The following THBS3 variants were observed in gnomAD, a reference collection of about 807,000 sequenced individuals.
The protein encoded by THBS3 is thrombospondin-3.
Under a neutral mutation model 118.3 loss-of-function variants are expected in THBS3, and 78 were observed. The observed-to-expected ratio is 0.66, with a 90% CI of 0.55 to 0.80. The LOEUF (loss-of-function observed/expected upper bound fraction) is 0.80, where lower values mean the gene tolerates loss of function less well. Ranked by LOEUF, THBS3 falls within the 30% of genes least tolerant of loss-of-function variation. The pLI is 0.00. For missense variants in THBS3, 1,057 were observed against 1,247.4 expected (o/e 0.85, Z 2.30); for synonymous variants, 427 against 475.3 (o/e 0.90, Z 1.32).
Position 155,203,521 on chromosome 1 carries a change from G to T in THBS3, c.665C>A (p.Ser222Tyr). 6 of 1,613,822 alleles carry T rather than the reference G, an allele frequency of 3.7e-6. No homozygotes were observed. The highest frequency in any genetic ancestry group is 5.1e-6 in the Non-Finnish European group (6 of 1,179,988). ...CAGTGTGGCCTACTCACCTAGAATG[G>T]AGTGCAGTGCATTGGTCACTGGAGA... ...IHSAVTNALHSILGEQTKALV... is the reference protein window; with the variant it reads ...IHSAVTNALHYILGEQTKALV... The change falls in exon 5 of 23, where the codon TCC becomes TAC. Residue 222 changes from serine (S) to tyrosine (Y), a missense_variant. Ser to Tyr is a moderately radical substitution (Grantham distance 144). Transcript: ENST00000368378.
At position 155,205,313 on chromosome 1, in the gene THBS3, A is replaced by G; in HGVS notation, c.290T>C (p.Leu97Pro). ...ASVVGKINKV[L>P]VRYQREDGKV... Reference sequence around the variant, plus strand: ...GCCATCCTCCCGCTGGTATCGCACCAGTACTGCCCAGGAGGGGAGATCAGT... The same window carrying G: ...GCCATCCTCCCGCTGGTATCGCACCGGTACTGCCCAGGAGGGGAGATCAGT... The change falls in exon 3 of 23, where the codon CTG becomes CCG. Residue 97 changes from leucine to proline, a missense_variant. Leu to Pro is a moderately conservative substitution (Grantham distance 98). Around this residue, in one of 3 missense-constraint regions of THBS3, gnomAD observed 206 missense variants for 205.7 expected, o/e 1.00. Coordinates refer to ENST00000368378, the MANE Select transcript of THBS3 (RefSeq NM_007112.5). 3 of 1,613,544 alleles carry G rather than the reference A, an allele frequency of 1.9e-6. No individual in the cohort carries two copies. Among genetic ancestry groups the G allele is most frequent in the African/African-American group, 1.3e-5 (1 of 75,008 alleles).
Position 155,200,542 on chromosome 1 carries a change from A to G in THBS3, c.1617T>C (p.Cys539=), listed in dbSNP as rs1669538662. ...TGTTGGGAACGTTGGGGCAATTGTC[A>G]CAGGCATCACCAAATGAATCTGTAT... ...NSDTDSFGDA[C]DNCPNVPNND... Residue 539 remains cysteine, a synonymous_variant, in exon 14 of 23, where the codon TGT becomes TGC. Coordinates refer to ENST00000368378, the MANE Select transcript of THBS3 (RefSeq NM_007112.5). 3.1e-6 allele frequency: 5 copies of G among 1,614,110 alleles called. No individual in the cohort carries two copies. Among genetic ancestry groups the G allele is most frequent in the Middle Eastern group, 1.6e-4 (1 of 6,062 alleles).
intron 21 of THBS3, 88 bp from the exon 22 acceptor site, chr1:155,196,214 C>T (rs1275713833): frequency 1.0e-5 from 15 of 1,495,368 alleles, no homozygotes; most frequent in Non-Finnish European, 1.3e-5. Flanking sequence ...TGCTTTTCCC[C>T]AGCCCCCCTT....
chr1:155,196,883 C>A, intron 21 of THBS3, 158 bp downstream of exon 21: 1 of 686,938 alleles, frequency 1.5e-6, no homozygotes, highest in Non-Finnish European at 2.4e-6. Context: ...AGTGACTTCA[C>A]CAACATCACT....
Position 155,195,739 on chromosome 1 carries a change from G to T in THBS3, c.*102C>A. On this transcript the variant is annotated 3_prime_UTR_variant, in exon 23 of 23. Coordinates refer to ENST00000368378, the MANE Select transcript of THBS3 (RefSeq NM_007112.5). ...CCTTTTGGGAGCCAGAGAAGGGTCT[G>T]TGGTTGGCTGAGGGGCTGTAGCTTA... 7.7e-7 allele frequency: 1 copy of T among 1,290,746 alleles called. No individual in the cohort carries two copies. Among genetic ancestry groups the T allele is most frequent in the Non-Finnish European group, 1.1e-6 (1 of 911,564 alleles). 80.0% of individuals were successfully genotyped at this position (1,290,746 alleles called of 1,614,324 possible).
chr1:155,198,856 A>C, intron 16 of THBS3: 1 of 431,348 alleles, frequency 2.3e-6, no homozygotes, highest in East Asian at 3.9e-5. Context: ...ACAGTGGCTC[A>C]TGCCTGTATT....
rs1310974561 is a variant in THBS3 at position 155,202,361 on chromosome 1, A to G, written c.998T>C (p.Ile333Thr). 5 of 1,613,906 alleles carry G rather than the reference A, an allele frequency of 3.1e-6. No homozygotes were observed. The highest frequency in any genetic ancestry group is 1.7e-5 in the Admixed American group (1 of 59,992). ...ACAGTGGAAGCCGGGCATGGTGTTG[A>G]TGCAGCTGGAGCCCGGGAAACAGGG... ...ADPCFPGSSCINTMPGFHCEA... is the reference protein window; with the variant it reads ...ADPCFPGSSCTNTMPGFHCEA... Residue 333 changes from isoleucine (I) to threonine (T), a missense_variant, in exon 9 of 23, where the codon ATC becomes ACC. Physicochemically the swap from Ile to Thr is moderately conservative, Grantham distance 89. This residue lies in a region of THBS3 where 544 missense variants were observed against 715.6 expected (regional missense o/e 0.76). Transcript: ENST00000368378. The surrounding 1 kb of genome is among the most constrained non-coding windows in gnomAD (Gnocchi z 5.5).
At chr1:155,207,973 T>C, upstream of THBS3, 1 of 575,388 alleles carries the variant, frequency 1.7e-6, no homozygotes, top group Admixed American at 3.2e-5. Context: ...GGGACAGAAT[T>C]GGAGGGGGGG....
intron 11 of THBS3, 44 bp downstream of exon 11, chr1:155,201,372 TC>T (rs1453563937): frequency 6.4e-7 from 1 of 1,570,366 alleles, no homozygotes; most frequent in Non-Finnish European, 8.6e-7. Flanking sequence ...CCTACTCCTT[TC>T]CCCAGACCCT....
Position 155,195,833 on chromosome 1 carries a change from C to T in THBS3, c.*8G>A. The T allele has an allele frequency of 6.2e-7, 1 of 1,607,406 alleles. No individual in the cohort carries two copies. Among genetic ancestry groups the T allele is most frequent in the Non-Finnish European group, 8.5e-7 (1 of 1,174,694 alleles). On this transcript the variant is annotated 3_prime_UTR_variant, in exon 23 of 23. Coordinates refer to ENST00000368378, the MANE Select transcript of THBS3 (RefSeq NM_007112.5). ...AAATTCTGAATTCTGAATCTGGTGG[C>T]CTCCTCCTCACACCCTTCCCTGGAG...
chr1:155,205,575 C>T lies in THBS3; in HGVS notation c.287-259G>A, dbSNP rs186427296. The stretch of plus-strand genomic sequence containing the variant: ...GGCAGATCACTTGAGGTCAGAAGTT[C>T]GAGAACAGCCTGGTCAACATGGCGA... On this transcript the variant is annotated intron_variant, in intron 2 of 22. Transcript: ENST00000368378. 419 of 460,552 alleles carry T rather than the reference C, an allele frequency of 9.1e-4. 7 individuals are homozygous for T. Among genetic ancestry groups the T allele is most frequent in the Non-Finnish European group, 1.0e-4 (26 of 257,598 alleles). The allele number at this position is 460,552 out of a possible 1,614,324, so 28.5% of individuals were successfully genotyped here.
chr1:155,202,677 C>A lies in THBS3; in HGVS notation c.957+135G>T. ...CAGGCCTTCTGTCTCTCCCATCTTG[C>A]ATTTCTCTTGCCTCTGACCTCTCCT... On this transcript the variant is annotated intron_variant, in intron 8 of 22. Coordinates refer to ENST00000368378, the MANE Select transcript of THBS3 (RefSeq NM_007112.5). This position sits in a 1 kb window ranked among gnomAD's most constrained non-coding sequence, Gnocchi z 5.5. The A allele has an allele frequency of 7.6e-7, 1 of 1,314,506 alleles. No homozygotes were observed. Among genetic ancestry groups the A allele is most frequent in the Non-Finnish European group, 1.0e-6 (1 of 964,008 alleles). The allele number at this position is 1,314,506 out of a possible 1,614,324, so 81.4% of individuals were successfully genotyped here. A position where few individuals can be genotyped will look rare whatever the true frequency, so the allele number is the denominator to read the frequency against.
intron 21 of THBS3, 55 bp downstream of exon 21, chr1:155,196,986 G>A (rs1216305201): frequency 6.4e-7 from 1 of 1,566,056 alleles, no homozygotes; most frequent in Non-Finnish European, 8.7e-7. Context: ...CCCAGCTAAA[G>A]AGGAAGGACA....
At chr1:155,207,650 T>C in intron 1 of THBS3, 148 bp downstream of exon 1, 1 of 796,680 alleles carries the variant, frequency 1.3e-6, no homozygotes, top group Non-Finnish European at 2.0e-6. Context: ...GGCCATAATT[T>C]CACCAACTCT....
chr1:155,198,135 C>T lies in THBS3; in HGVS notation c.2160G>A (p.Glu720=). The T allele has an allele frequency of 6.2e-7, 1 of 1,614,184 alleles. No individual in the cohort carries two copies. Among genetic ancestry groups the T allele is most frequent in the African/African-American group, 1.3e-5 (1 of 75,052 alleles). The part of the protein sequence containing the change: ...DPLDVCPESA[E]VTLTDFRAYQ... The stretch of plus-strand genomic sequence containing the variant: ...AGGCCCGAAAATCCGTAAGCGTTAC[C>T]TCTGCACTTTCAGGACACACATCCA... The change falls in exon 18 of 23, where the codon GAG becomes GAA. Residue 720 remains glutamate (E), a synonymous_variant. Transcript: ENST00000368378.
At chr1:155,205,412 G>A (rs1670407482) in intron 2 of THBS3, 96 bp from the exon 3 acceptor site, 2 of 1,493,146 alleles carry the variant, frequency 1.3e-6, no homozygotes, top group Admixed American at 3.8e-5. Context: ...CATCTCTAGG[G>A]CCCCTATCCC....
In THBS3 at chr1:155,200,987, T is replaced by C; in HGVS notation, c.1458A>G (p.Thr486=). The part of the protein sequence containing the change: ...KHCKQDNCLL[T]PNSGQEDADN... ...CAGCATCTTCCTGCCCAGAGTTGGG[T>C]GTCAAAAGGCAGTTGTCCTAAAGTT... Residue 486 remains threonine, a synonymous_variant, in exon 13 of 23, where the codon ACA becomes ACG. Coordinates refer to ENST00000368378, the MANE Select transcript of THBS3 (RefSeq NM_007112.5). 1 of 1,614,054 alleles carries C rather than the reference T, an allele frequency of 6.2e-7. No homozygotes were observed.
chr1:155,197,719 G>A lies in THBS3; in HGVS notation c.2303-60C>T. Reference sequence around the variant, plus strand: ...AAAGCTACTGGCGGCCCATCATGGGGTAAAGTTGGGAAGGGATGCCTGCTA... The same window carrying A: ...AAAGCTACTGGCGGCCCATCATGGGATAAAGTTGGGAAGGGATGCCTGCTA... On this transcript the variant is annotated intron_variant, in intron 19 of 22. Coordinates refer to ENST00000368378, the MANE Select transcript of THBS3 (RefSeq NM_007112.5). The surrounding 1 kb of genome is among the most constrained non-coding windows in gnomAD (Gnocchi z 5.0). 6.2e-7 allele frequency: 1 copy of A among 1,601,412 alleles called. No individual in the cohort carries two copies. Among genetic ancestry groups the A allele is most frequent in the Non-Finnish European group, 8.5e-7 (1 of 1,170,280 alleles).
chr1:155,204,505 A>T (rs1442874528), intron 4 of THBS3, among the ~76,000 whole-genome samples: 1 of 151,374 alleles, frequency 6.6e-6, no homozygotes, highest in East Asian at 2.0e-4. Flanking sequence ...CAGGAGAATC[A>T]CTTGAACTCA....
Sources: gnomAD v4.1 joint callset for allele counts (sites outside exome capture counted in the v4.1 genomes callset) on GRCh38, gnomAD v4.1.1 for gene constraint, gnomAD v4.1.1 regional missense constraint, Gnocchi (gnomAD v3.1) non-coding constraint, MANE v1.5 for transcripts, NCBI Gene and HGNC (gene_info 2026-07-23, HGNC 2026-07-21) for gene names.